COMMD1: variants seen among roughly 807,000 people sequenced by gnomAD.
COMMD1 encodes COMM domain-containing protein 1.
In COMMD1, 10 loss-of-function variants were observed where a neutral mutation model predicts 17.2. That is an observed-to-expected ratio of 0.58 (90% CI 0.36 to 0.99). The LOEUF (loss-of-function observed/expected upper bound fraction) is 0.99, where lower values mean the gene tolerates loss of function less well. COMMD1 is among the 50% of genes least tolerant of loss of function. The pLI is 0.01. For synonymous variants in COMMD1, 97 were observed against 91.6 expected (o/e 1.06, Z -0.34); for missense variants, 270 against 231.8 (o/e 1.17, Z -1.07).
At chr2:61,902,022 G>C (rs1669667010), upstream of COMMD1, among the ~76,000 whole-genome samples, 2 of 151,884 alleles carry the variant, frequency 1.3e-5, no homozygotes, top group East Asian at 3.9e-4. Flanking sequence ...TAGTAGAGAT[G>C]AAGTTTCACC....
intron 2 of COMMD1, among the ~76,000 whole-genome samples, chr2:62,060,048 G>A (rs1314070986): frequency 6.6e-6 from 1 of 152,102 alleles, no homozygotes; most frequent in East Asian, 1.9e-4. Context: ...TCACCCTTTT[G>A]CCTGGGGCGG....
chr2:61,926,527 A>T (rs977996554), intron 1 of COMMD1, among the ~76,000 whole-genome samples: 4 of 152,204 alleles, frequency 2.6e-5, no homozygotes, highest in Non-Finnish European at 5.9e-5. Context: ...TAAACTTGGG[A>T]TCTGAGGCAT....
chr2:61,890,720 G>C (rs1001733275), intron 1 of COMMD1, among the ~76,000 whole-genome samples: 1 of 151,394 alleles, frequency 6.6e-6, no homozygotes, highest in Admixed American at 6.6e-5. Flanking sequence ...CCAGCTACTC[G>C]GGAGGCTGAG....
chr2:61,896,576 G>C (rs1483013913), intron 1 of COMMD1, among the ~76,000 whole-genome samples: 1 of 151,954 alleles, frequency 6.6e-6, no homozygotes, highest in Non-Finnish European at 1.5e-5. Flanking sequence ...CCCTATCTCA[G>C]AAAAAAACAA....
intron 1 of COMMD1, among the ~76,000 whole-genome samples, chr2:61,942,057 T>G (rs1273423039): frequency 6.6e-6 from 1 of 152,204 alleles, no homozygotes; most frequent in African/African-American, 2.4e-5. Flanking sequence ...AATAGTCTCT[T>G]AACTAGGAAA....
rs558565774 is a variant in COMMD1 at position 62,017,673 on chromosome 2, A to T, written c.462+16691A>T. Reference sequence around the variant, plus strand: ...TGACAAGAGTGAGACCCTGTCTCCAAAAAAAGAAAAAAAAAAGAAAAATGA... The same window carrying T: ...TGACAAGAGTGAGACCCTGTCTCCATAAAAAGAAAAAAAAAAGAAAAATGA... On this transcript the variant is annotated intron_variant, in intron 2 of 2. Transcript: ENST00000311832. 2.6e-5 allele frequency among the ~76,000 whole-genome samples: 4 copies of T among 151,618 alleles called. No individual in the cohort carries two copies. In the East Asian group the frequency reaches 7.7e-4, roughly 29 times the overall value.
At chr2:61,955,530 C>T (rs115820991) in intron 1 of COMMD1, among the ~76,000 whole-genome samples, 1,838 of 152,194 alleles carry the variant, frequency 0.012, 41 homozygotes, top group African/African-American at 0.043. Context: ...GGTGTTGTAT[C>T]TAATAATTCT....
At chr2:62,023,219 T>A in intron 2 of COMMD1, among the ~76,000 whole-genome samples, 1 of 146,854 alleles carries the variant, frequency 6.8e-6, no homozygotes, top group African/African-American at 2.5e-5. Flanking sequence ...AGAGCAAAAC[T>A]CTGTCTCAAA....
Position 62,083,790 on chromosome 2 carries a change from A to G in COMMD1, c.463-52041A>G, listed in dbSNP as rs537897780. Among the ~76,000 whole-genome samples, 5 of 152,250 alleles carry G rather than the reference A, an allele frequency of 3.3e-5. No individual in the cohort carries two copies. The East Asian group carries it at 9.6e-4, about 29-fold the overall frequency. On this transcript the variant is annotated intron_variant, in intron 2 of 2. Coordinates refer to ENST00000311832, the MANE Select transcript of COMMD1 (RefSeq NM_152516.4). ...GGATAGAGATTTATGGATGATACTCAAGTGTATAGTATAAGGGATCCAACA... is the reference window on the plus strand; with the variant it reads ...GGATAGAGATTTATGGATGATACTCGAGTGTATAGTATAAGGGATCCAACA...
chr2:62,060,738 T>C (rs1335856744), intron 2 of COMMD1, among the ~76,000 whole-genome samples: 2 of 152,228 alleles, frequency 1.3e-5, no homozygotes, highest in African/African-American at 4.8e-5. Flanking sequence ...TGATGGATAT[T>C]TTTGATGAAT....
chr2:62,078,833 C>T (rs1233767014), intron 2 of COMMD1, among the ~76,000 whole-genome samples: 2 of 150,294 alleles, frequency 1.3e-5, no homozygotes, highest in African/African-American at 4.9e-5. Context: ...GCCAAGATTG[C>T]GCCACTGCAC....
chr2:62,034,268 G>A (rs1333515582), intron 2 of COMMD1, among the ~76,000 whole-genome samples: 7 of 151,978 alleles, frequency 4.6e-5, no homozygotes, highest in Non-Finnish European at 1.0e-4. Context: ...TTGGGAGGCC[G>A]AGGTGGGTGG....
rs571269745 is a variant in COMMD1 at position 62,038,482 on chromosome 2, T to C, written c.462+37500T>C. Among the ~76,000 whole-genome samples, 5 of 152,312 alleles carry C rather than the reference T, an allele frequency of 3.3e-5. No homozygotes were observed. In the South Asian group the frequency reaches 8.3e-4, roughly 25 times the overall value. The stretch of plus-strand genomic sequence containing the variant: ...CTTTCTTTTTTCCAATTTTCTGTTA[T>C]CTAGGCATGATTGTTTCTTTTTTAA... On this transcript the variant is annotated intron_variant, in intron 2 of 2. Coordinates refer to ENST00000311832, the MANE Select transcript of COMMD1 (RefSeq NM_152516.4).
At chr2:61,981,778 A>G (rs551850993) in intron 1 of COMMD1, among the ~76,000 whole-genome samples, 1 of 152,248 alleles carries the variant, frequency 6.6e-6, no homozygotes, top group African/African-American at 2.4e-5. Context: ...ACAGCATGGG[A>G]AAGACTTGCC....
At chr2:61,969,256 C>T (rs894617131) in intron 1 of COMMD1, 6 of 154,730 alleles carry the variant, frequency 3.9e-5, no homozygotes, top group African/African-American at 1.4e-4. Flanking sequence ...TTTTATTCTG[C>T]AGGCTATAGA....
intron 1 of COMMD1, among the ~76,000 whole-genome samples, chr2:61,953,265 C>T (rs1671105510): frequency 6.6e-6 from 1 of 152,070 alleles, no homozygotes; most frequent in Non-Finnish European, 1.5e-5. Flanking sequence ...CAGCCTCGGC[C>T]TCCCAACGTG....
intron 2 of COMMD1, among the ~76,000 whole-genome samples, chr2:62,070,600 T>C (rs1159487814): frequency 6.6e-6 from 1 of 151,608 alleles, no homozygotes; most frequent in Non-Finnish European, 1.5e-5. Context: ...ACAAAGTATT[T>C]GCAGGATGTG....
chr2:61,995,570 T>C (rs2103790244), intron 1 of COMMD1, among the ~76,000 whole-genome samples: 1 of 152,336 alleles, frequency 6.6e-6, no homozygotes, highest in Admixed American at 6.5e-5. Flanking sequence ...TAGCTACTCA[T>C]TAGGGACTGG....
At chr2:62,121,421 T>TA (rs1209294754) in intron 2 of COMMD1, among the ~76,000 whole-genome samples, 1 of 116,714 alleles carries the variant, frequency 8.6e-6, no homozygotes, top group African/African-American at 3.3e-5. Flanking sequence ...TGAAAAGTTG[T>TA]AAAATGAACT....
Sources: gnomAD v4.1 joint callset for allele counts (sites outside exome capture counted in the v4.1 genomes callset) on GRCh38, gnomAD v4.1.1 for gene constraint, MANE v1.5 for transcripts, NCBI Gene and HGNC (gene_info 2026-07-23, HGNC 2026-07-21) for gene names.